The following LNPEP variants were observed in gnomAD, a reference collection of about 807,000 sequenced individuals.
The protein encoded by LNPEP is leucyl-cystinyl aminopeptidase.
A neutral mutation model predicts 120.6 loss-of-function variants in LNPEP; 64 were observed. The ratio of observed to expected loss-of-function variants is 0.53; its 90% confidence interval spans 0.43 to 0.65. The LOEUF (loss-of-function observed/expected upper bound fraction) is 0.65, where lower values mean the gene tolerates loss of function less well. LNPEP is among the 30% of genes least tolerant of loss of function. The probability of loss-of-function intolerance (pLI) is 0.00; values close to 1 mark genes in which losing one functional copy is unlikely to be tolerated. For missense variants in LNPEP, 1,057 were observed against 1,200.0 expected (o/e 0.88, Z 1.76); for synonymous variants, 435 against 425.4 (o/e 1.02, Z -0.28).
intron 2 of LNPEP, among the ~76,000 whole-genome samples, chr5:96,981,865 G>A (rs1445116805): frequency 2.0e-5 from 3 of 152,094 alleles, no homozygotes; most frequent in Non-Finnish European, 2.9e-5. Flanking sequence ...ATTCAGGATA[G>A]GGATGTGTTT....
intron 1 of LNPEP, among the ~76,000 whole-genome samples, chr5:96,970,803 T>C (rs115008572): frequency 6.4e-4 from 98 of 152,190 alleles, no homozygotes; most frequent in African/African-American, 2.3e-3. Context: ...TTCTGCTTAA[T>C]TTCTCTTACT....
At chr5:96,988,053 A>G (rs1191222788) in intron 4 of LNPEP, among the ~76,000 whole-genome samples, 1 of 152,112 alleles carries the variant, frequency 6.6e-6, no homozygotes, top group Non-Finnish European at 1.5e-5. Flanking sequence ...TGTAGTTCTT[A>G]ATACTCATTG....
intron 11 of LNPEP, among the ~76,000 whole-genome samples, chr5:97,006,880 C>T (rs942464282): frequency 1.3e-5 from 2 of 152,172 alleles, no homozygotes; most frequent in Admixed American, 1.3e-4. Flanking sequence ...TAACAAGATA[C>T]ACCCTAAATG....
chr5:96,947,365 G>A (rs1221500043), intron 1 of LNPEP, among the ~76,000 whole-genome samples: 1 of 152,142 alleles, frequency 6.6e-6, no homozygotes, highest in Non-Finnish European at 1.5e-5. Context: ...ATTGAAAATT[G>A]GAGCTAAAAT....
chr5:97,003,569 T>G (rs27613), intron 9 of LNPEP, 23 bp downstream of exon 9: 802,285 of 1,524,024 alleles, frequency 0.53, 213,761 homozygotes, highest in Admixed American at 0.65. Flanking sequence ...GGTAATTTAT[T>G]TAGCTCTTAC....
At chr5:96,946,189 G>T (rs1345417201) in intron 1 of LNPEP, among the ~76,000 whole-genome samples, 1 of 152,096 alleles carries the variant, frequency 6.6e-6, no homozygotes, top group Non-Finnish European at 1.5e-5. Context: ...ATCTAGATTG[G>T]GTAGCTACAT....
At chr5:96,974,662 T>A (rs1451775340) in intron 1 of LNPEP, among the ~76,000 whole-genome samples, 1 of 152,112 alleles carries the variant, frequency 6.6e-6, no homozygotes, top group Non-Finnish European at 1.5e-5. Flanking sequence ...GCAGTCCTTG[T>A]TTTCTTTTGT....
chr5:97,007,400 A>C (rs557300605), intron 11 of LNPEP, among the ~76,000 whole-genome samples: 11 of 152,282 alleles, frequency 7.2e-5, no homozygotes, highest in South Asian at 4.1e-4. Context: ...TGTACAAAAG[A>C]GATAGTAATT....
intron 11 of LNPEP, 62 bp from the exon 12 acceptor site, chr5:97,013,586 A>G (rs62377062): frequency 1.1e-6 from 1 of 934,774 alleles, no homozygotes; most frequent in Admixed American, 3.0e-5. Context: ...AAGCACTCAT[A>G]ATTTTTTTTT....
chr5:97,025,408 G>A (rs529616301), intron 15 of LNPEP, among the ~76,000 whole-genome samples: 20 of 152,278 alleles, frequency 1.3e-4, no homozygotes, highest in African/African-American at 4.8e-4. Context: ...CAAAAGATAC[G>A]CTGTAAATAG....
At chr5:97,006,905 T>C (rs1790799962) in intron 11 of LNPEP, among the ~76,000 whole-genome samples, 1 of 152,200 alleles carries the variant, frequency 6.6e-6, no homozygotes, top group African/African-American at 2.4e-5. Context: ...GTGTGTATAA[T>C]TGAGGTTTAT....
intron 1 of LNPEP, among the ~76,000 whole-genome samples, chr5:96,970,326 C>T (rs1238979577): frequency 1.3e-5 from 2 of 152,000 alleles, no homozygotes; most frequent in Non-Finnish European, 2.9e-5. Context: ...CTTTTTGAAA[C>T]ACTGTTATTA....
At chr5:96,955,058 A>C (rs1331952273) in intron 1 of LNPEP, among the ~76,000 whole-genome samples, 2 of 150,670 alleles carry the variant, frequency 1.3e-5, no homozygotes, top group Non-Finnish European at 3.0e-5. Flanking sequence ...CTGGGATTAC[A>C]GGCGTGAGCC....
intron 1 of LNPEP, among the ~76,000 whole-genome samples, chr5:96,966,460 A>T (rs1047497365): frequency 6.6e-5 from 10 of 151,148 alleles, no homozygotes; most frequent in Admixed American, 2.6e-4. Flanking sequence ...TAATTGTGCC[A>T]TTGCACTCCA....
intron 1 of LNPEP, among the ~76,000 whole-genome samples, chr5:96,973,793 C>T (rs1290904316): frequency 6.6e-6 from 1 of 152,128 alleles, no homozygotes; most frequent in Non-Finnish European, 1.5e-5. Flanking sequence ...CAGCTTAAAG[C>T]TTTAATCCTT....
At chr5:96,991,959 A>G (rs38040) in intron 4 of LNPEP, among the ~76,000 whole-genome samples, 84,291 of 151,892 alleles carry the variant, frequency 0.55, 23,505 homozygotes, top group East Asian at 0.63. Context: ...TGAGGTTTTT[A>G]TTTTCTACTG....
At chr5:97,011,702 G>T (rs1009927573) in intron 11 of LNPEP, among the ~76,000 whole-genome samples, 1 of 152,184 alleles carries the variant, frequency 6.6e-6, no homozygotes, top group Non-Finnish European at 1.5e-5. Context: ...CCTTAAAACT[G>T]CATTCTGCCC....
chr5:96,982,129 G>T (rs1472556112), intron 2 of LNPEP, among the ~76,000 whole-genome samples: 1 of 152,080 alleles, frequency 6.6e-6, no homozygotes, highest in East Asian at 1.9e-4. Context: ...GGCACATAAA[G>T]TAACTTATCC....
chr5:96,954,770 A>ATTTTTTTT lies in LNPEP; in HGVS notation c.19+18597_19+18598insTTTTTTTT, dbSNP rs1789417391. Among the ~76,000 whole-genome samples, 17 of 29,484 alleles carry ATTTTTTTT rather than the reference A, an allele frequency of 5.8e-4. 3 individuals are homozygous for ATTTTTTTT. Among genetic ancestry groups the ATTTTTTTT allele is most frequent in the Non-Finnish European group, 9.1e-4 (13 of 14,344 alleles). The allele number at this position is 29,484 out of a possible 152,430, so 19.3% of individuals were successfully genotyped here. Reference sequence around the variant, plus strand: ...TACACATATATATATATATATATATATATTTTTTTTTTTTTTTTTTTTTTT... The same window carrying ATTTTTTTT: ...TACACATATATATATATATATATATATTTTTTTTTATTTTTTTTTTTTTTTTTTTTTTT... On this transcript the variant is annotated intron_variant, in intron 1 of 17. Coordinates refer to ENST00000231368, the MANE Select transcript of LNPEP (RefSeq NM_005575.3).
Sources: allele counts gnomAD v4.1 joint callset (sites outside exome capture counted in the v4.1 genomes callset), GRCh38; gene constraint gnomAD v4.1.1; transcripts MANE v1.5; gene names NCBI Gene and HGNC (gene_info 2026-07-23, HGNC 2026-07-21).